The following CHL1 variants were observed in gnomAD, a reference collection of about 807,000 sequenced individuals.
The protein encoded by CHL1 is neural cell adhesion molecule L1-like protein.
In CHL1, 96 loss-of-function variants were observed where a neutral mutation model predicts 141.9. That is an observed-to-expected ratio of 0.68 (90% CI 0.57 to 0.80). The LOEUF (loss-of-function observed/expected upper bound fraction) is 0.80. Among genes scored for constraint, CHL1 ranks in the 30% least tolerant of loss-of-function variants. The pLI, the probability that CHL1 is intolerant of heterozygous loss-of-function variation, is 0.00. For missense variants in CHL1, 1,820 were observed against 1,457.2 expected (o/e 1.25, Z -4.05); for synonymous variants, 613 against 502.2 (o/e 1.22, Z -2.95).
At position 196,886 on chromosome 3, in the gene CHL1, C is replaced by G. The variant is rs1698372088; in HGVS notation, c.-352C>G. ...AGAGCCAGCGGCGGGAGGGGACGGG[C>G]GGGACCTCCGCGGACAGCCCCGGGT... On this transcript the variant is annotated 5_prime_UTR_variant, in exon 1 of 28. Coordinates refer to ENST00000256509, the MANE Select transcript of CHL1 (RefSeq NM_006614.4). 1 of 152,642 alleles carries G rather than the reference C, an allele frequency of 6.6e-6. No individual in the cohort carries two copies. Among genetic ancestry groups the G allele is most frequent in the Non-Finnish European group, 1.5e-5 (1 of 68,438 alleles). The allele number at this position is 152,642 out of a possible 1,614,324, so 9.5% of individuals were successfully genotyped here. A position where few individuals can be genotyped will look rare whatever the true frequency, so the allele number is the denominator to read the frequency against.
At chr3:204,507 C>T (rs563361167) in intron 1 of CHL1, among the ~76,000 whole-genome samples, 6 of 152,132 alleles carry the variant, frequency 3.9e-5, no homozygotes, top group Non-Finnish European at 7.3e-5. Flanking sequence ...AGATGTATTT[C>T]CCAGAGTAAT....
intron 5 of CHL1, among the ~76,000 whole-genome samples, chr3:339,006 AG>A (rs1702154591): frequency 6.6e-6 from 1 of 152,184 alleles, no homozygotes; most frequent in Non-Finnish European, 1.5e-5. Context: ...TATTCATATT[AG>A]GGACTGTATA....
chr3:245,385 G>A (rs1693068879), intron 2 of CHL1, among the ~76,000 whole-genome samples: 1 of 152,132 alleles, frequency 6.6e-6, no homozygotes, highest in Admixed American at 6.6e-5. Context: ...AGTTGTAACT[G>A]CCTACAGGTG....
At chr3:314,912 G>T (rs2125008838) in intron 2 of CHL1, among the ~76,000 whole-genome samples, 1 of 152,252 alleles carries the variant, frequency 6.6e-6, no homozygotes, top group East Asian at 1.9e-4. Context: ...AAGAGAATCA[G>T]AGAAGATTTT....
chr3:313,056 A>ATC (rs1699880888), intron 2 of CHL1, among the ~76,000 whole-genome samples: 1 of 152,092 alleles, frequency 6.6e-6, no homozygotes, highest in Non-Finnish European at 1.5e-5. Flanking sequence ...GAGGAATGTC[A>ATC]ACGTAGCATG....
At chr3:257,707 G>T (rs62228338) in intron 2 of CHL1, among the ~76,000 whole-genome samples, 7,895 of 152,050 alleles carry the variant, frequency 0.052, 226 homozygotes, top group Non-Finnish European at 0.064. Context: ...CTTGCCACAG[G>T]TCTATTTAAA....
intron 2 of CHL1, among the ~76,000 whole-genome samples, chr3:300,594 G>A (rs555108363): frequency 2.0e-5 from 3 of 152,234 alleles, no homozygotes; most frequent in Non-Finnish European, 2.9e-5. Flanking sequence ...TGCCTATTCT[G>A]TGCAAGGCAA....
intron 9 of CHL1, among the ~76,000 whole-genome samples, chr3:345,201 T>C (rs17030343): frequency 0.048 from 7,362 of 152,102 alleles, 402 homozygotes; most frequent in African/African-American, 0.14. Flanking sequence ...CCTGAGGTTG[T>C]TGGTAGTCAG....
At chr3:256,751 G>T (rs1694212799) in intron 2 of CHL1, among the ~76,000 whole-genome samples, 1 of 152,204 alleles carries the variant, frequency 6.6e-6, no homozygotes. Context: ...GGATTCATAT[G>T]TATCTTTTTG....
chr3:197,997 G>T (rs1698531547), intron 1 of CHL1: 2 of 356,240 alleles, frequency 5.6e-6, no homozygotes, highest in Non-Finnish European at 1.1e-5. Flanking sequence ...CCACTCTCCG[G>T]GCTCGCTGCG....
rs963994135 is a variant in CHL1 at position 197,050 on chromosome 3, C to T, written c.-188C>T. 1 of 151,780 alleles carries T rather than the reference C, an allele frequency of 6.6e-6. No homozygotes were observed. Among genetic ancestry groups the T allele is most frequent in the East Asian group, 2.0e-4 (1 of 5,068 alleles). 9.4% of individuals were successfully genotyped at this position (151,780 alleles called of 1,614,324 possible). A position where few individuals can be genotyped will look rare whatever the true frequency, so the allele number is the denominator to read the frequency against. ...GGGAGGCGCCGGACAGATCGCGTTT[C>T]GGAGGCGGCGCAGGTGTGTCAGGGG... On this transcript the variant is annotated 5_prime_UTR_variant, in exon 1 of 28. Transcript: ENST00000256509.
Position 377,829 on chromosome 3 carries a change from A to G in CHL1, c.1763A>G (p.Asp588Gly). The G allele has an allele frequency of 1.2e-6, 2 of 1,605,818 alleles. No individual in the cohort carries two copies. Among genetic ancestry groups the G allele is most frequent in the Non-Finnish European group, 8.5e-7 (1 of 1,174,536 alleles). Residue 588 changes from aspartate (D) to glycine (G), a missense_variant, in exon 16 of 28, where the codon GAT (aspartate) becomes GGT (glycine). Asp to Gly is a moderately conservative substitution (Grantham distance 94). Coordinates refer to ENST00000256509, the MANE Select transcript of CHL1 (RefSeq NM_006614.4). ...TTTTTTTCTGATAGGATAATTATTG[A>G]TGGAGCTAATTTGACCATATCTAAT... ...NGTEDGRIII[D>G]GANLTISNVT...
intron 4 of CHL1, among the ~76,000 whole-genome samples, chr3:327,276 G>C (rs768380162): frequency 3.3e-5 from 5 of 151,874 alleles, no homozygotes; most frequent in African/African-American, 4.8e-5. Context: ...ATTTGCATGG[G>C]TAATTCCAAT....
intron 1 of CHL1, among the ~76,000 whole-genome samples, chr3:241,704 A>G (rs1692582263): frequency 6.6e-6 from 1 of 151,996 alleles, no homozygotes; most frequent in Non-Finnish European, 1.5e-5. Context: ...CACAACCAAT[A>G]AGGACCCAAA....
At chr3:327,666 T>G (rs1456527893) in intron 4 of CHL1, among the ~76,000 whole-genome samples, 2 of 151,944 alleles carry the variant, frequency 1.3e-5, no homozygotes, top group Non-Finnish European at 2.9e-5. Flanking sequence ...AAAATTGTCT[T>G]TAGTATCATT....
At chr3:197,807 G>A (rs1055417348) in intron 1 of CHL1, 1 of 456,330 alleles carries the variant, frequency 2.2e-6, no homozygotes, top group Non-Finnish European at 4.4e-6. Flanking sequence ...AGCGGAGCCC[G>A]GGGGGCTGGA....
intron 1 of CHL1, among the ~76,000 whole-genome samples, chr3:238,240 C>T (rs1005047952): frequency 2.6e-5 from 4 of 152,098 alleles, no homozygotes; most frequent in African/African-American, 9.6e-5. Flanking sequence ...TGATTCCTTT[C>T]GGGTAAATGT....
At chr3:270,083 A>G (rs1474946822) in intron 2 of CHL1, among the ~76,000 whole-genome samples, 1 of 152,126 alleles carries the variant, frequency 6.6e-6, no homozygotes, top group Non-Finnish European at 1.5e-5. Flanking sequence ...ACGCTCTTTT[A>G]TTTTCATTTC....
chr3:390,662 C>A, intron 20 of CHL1, 39 bp from the exon 21 acceptor site: 4 of 1,142,486 alleles, frequency 3.5e-6, no homozygotes, highest in Non-Finnish European at 5.3e-6. Context: ...ATCACATTTG[C>A]AGGTTATTGA....
Sources: allele counts gnomAD v4.1 joint callset (sites outside exome capture counted in the v4.1 genomes callset), GRCh38; gene constraint gnomAD v4.1.1; transcripts MANE v1.5; gene names NCBI Gene and HGNC (gene_info 2026-07-23, HGNC 2026-07-21).